ARFGAP1: variants seen among roughly 807,000 people sequenced by gnomAD.
ARFGAP1 encodes the protein ADP-ribosylation factor GTPase-activating protein 1.
Under a neutral mutation model 54.0 loss-of-function variants are expected in ARFGAP1, and 26 were observed. That is an observed-to-expected ratio of 0.48 (90% CI 0.35 to 0.67). The LOEUF (loss-of-function observed/expected upper bound fraction) is 0.67. ARFGAP1 is among the 30% of genes least tolerant of loss of function. ARFGAP1 has a pLI of 0.00. For missense variants in ARFGAP1, 525 were observed against 535.8 expected (o/e 0.98, Z 0.20); for synonymous variants, 248 against 211.9 (o/e 1.17, Z -1.48).
In ARFGAP1 at chr20:63,287,599, T is replaced by C. The variant is rs2123328402; in HGVS notation, c.947T>C (p.Leu316Pro). 1.2e-6 allele frequency: 2 copies of C among 1,609,644 alleles called. No homozygotes were observed. The highest frequency in any genetic ancestry group is 1.7e-6 in the Non-Finnish European group (2 of 1,177,586). Residue 316 changes from leucine to proline, a missense_variant, in exon 13 of 13, where the codon CTG becomes CCG. Physicochemically the swap from Leu to Pro is moderately conservative, Grantham distance 98. Transcript: ENST00000370283. ...GGCCACAGTTATCAGAACAGCGGTCTGGACCACTTCCAAAACAGCAACATA... is the reference window on the plus strand; with the variant it reads ...GGCCACAGTTATCAGAACAGCGGTCCGGACCACTTCCAAAACAGCAACATA... ...SEGHSYQNSG[L>P]DHFQNSNIDQ...
chr20:63,285,745 C>T (rs2067518305), intron 11 of ARFGAP1, 32 bp downstream of exon 11: 7 of 1,606,516 alleles, frequency 4.4e-6, no homozygotes, highest in South Asian at 2.2e-5. Flanking sequence ...CGGGCACAGT[C>T]GAAGCCAGTC....
Position 63,275,655 on chromosome 20 carries a change from C to T in ARFGAP1, c.60+15C>T. ...ATGAGAACAACGTAAGCCTCTGCCC[C>T]CCACCCCCCGCCCTAAGGCTTGGTC... On this transcript the variant is annotated intron_variant, in intron 2 of 12. Coordinates refer to ENST00000370283, the MANE Select transcript of ARFGAP1 (RefSeq NM_018209.4). 6.2e-7 allele frequency: 1 copy of T among 1,612,406 alleles called. No individual in the cohort carries two copies. The highest frequency in any genetic ancestry group is 8.5e-7 in the Non-Finnish European group (1 of 1,178,934).
At chr20:63,286,278 G>A (rs1399097769) in intron 11 of ARFGAP1, 88 bp from the exon 12 acceptor site, 7 of 1,588,468 alleles carry the variant, frequency 4.4e-6, no homozygotes, top group African/African-American at 2.7e-5. Flanking sequence ...TCAGCGGGAC[G>A]GCGCGTGCCG....
chr20:63,285,454 C>T (rs968441968), intron 10 of ARFGAP1, 200 bp from the exon 11 acceptor site: 23 of 625,264 alleles, frequency 3.7e-5, no homozygotes, highest in East Asian at 8.2e-5. Context: ...CGTTTGCAGA[C>T]ACCAGGCCTC....
At position 63,288,191 on chromosome 20, in the gene ARFGAP1, G is replaced by A. The variant is rs894361834; in HGVS notation, c.*318G>A. The A allele has an allele frequency of 3.3e-5, 19 of 570,188 alleles. No homozygotes were observed. The highest frequency in any genetic ancestry group is 7.7e-4 in the Middle Eastern group (2 of 2,582). 35.3% of individuals were successfully genotyped at this position (570,188 alleles called of 1,614,324 possible). A position where few individuals can be genotyped will look rare whatever the true frequency, so the allele number is the denominator to read the frequency against. On this transcript the variant is annotated 3_prime_UTR_variant, in exon 13 of 13. Transcript: ENST00000370283. ...CTGCAGCACAGAGGCCTGTGACTGC[G>A]TTCCAGCGGCCAGTTCACTACGCAG...
chr20:63,288,813 G>A lies in ARFGAP1; in HGVS notation c.*940G>A, dbSNP rs1022790915. ...CGAGGACTGGATGATGTGCTGCCAC[G>A]TGTGACTCGTCTCCCTTGTCTGCCC... is the stretch of plus-strand genomic sequence containing the variant. On this transcript the variant is annotated 3_prime_UTR_variant, in exon 13 of 13. Transcript: ENST00000370283. 3.6e-5 allele frequency: 12 copies of A among 330,978 alleles called. No individual in the cohort carries two copies. The highest frequency in any genetic ancestry group is 7.9e-5 in the Admixed American group (2 of 25,476). The allele number at this position is 330,978 out of a possible 1,614,324, so 20.5% of individuals were successfully genotyped here.
intron 11 of ARFGAP1, chr20:63,285,987 G>A (rs2067525857): frequency 2.0e-6 from 3 of 1,525,718 alleles, no homozygotes; most frequent in Non-Finnish European, 2.6e-6. Flanking sequence ...AAGTGCCAGC[G>A]CCGTCTTTGC....
chr20:63,279,039 G>A (rs145153812), intron 7 of ARFGAP1, 44 bp downstream of exon 7: 20 of 1,595,042 alleles, frequency 1.3e-5, no homozygotes, highest in African/African-American at 5.4e-5. Flanking sequence ...GGCAGACCCC[G>A]CCCTGAGGGC....
At chr20:63,277,095 C>T (rs1385027395) in intron 4 of ARFGAP1, 110 bp from the exon 5 acceptor site, 12 of 864,062 alleles carry the variant, frequency 1.4e-5, no homozygotes, top group African/African-American at 1.0e-4. Context: ...GAGGAGGCTG[C>T]GGGTGGTGGG....
Position 63,288,413 on chromosome 20 carries a change from C to T in ARFGAP1, c.*540C>T, listed in dbSNP as rs1203068942. ...CGACCACCCTCGGCTCCCGAGTCCA[C>T]GCCTGCCTGGGCCTGTGCTGTCAGA... is the stretch of plus-strand genomic sequence containing the variant. On this transcript the variant is annotated 3_prime_UTR_variant, in exon 13 of 13. Transcript: ENST00000370283. 1 of 456,214 alleles carries T rather than the reference C, an allele frequency of 2.2e-6. No individual in the cohort carries two copies. Among genetic ancestry groups the T allele is most frequent in the Non-Finnish European group, 4.4e-6 (1 of 226,876 alleles). 28.3% of individuals were successfully genotyped at this position (456,214 alleles called of 1,614,324 possible). A position where few individuals can be genotyped will look rare whatever the true frequency, so the allele number is the denominator to read the frequency against.
intron 8 of ARFGAP1, among the ~76,000 whole-genome samples, chr20:63,281,565 C>T (rs2067381120): frequency 6.6e-6 from 1 of 152,120 alleles, no homozygotes; most frequent in South Asian, 2.1e-4. Flanking sequence ...AGGAGCTGCT[C>T]CTGTGTCAGA....
chr20:63,280,184 G>A (rs145261332), intron 7 of ARFGAP1, among the ~76,000 whole-genome samples: 1 of 152,240 alleles, frequency 6.6e-6, no homozygotes, highest in Non-Finnish European at 1.5e-5. Flanking sequence ...ATTGTTGTCC[G>A]TGACACCAGC....
chr20:63,282,894 A>T, intron 9 of ARFGAP1, 43 bp downstream of exon 9: 1 of 1,611,124 alleles, frequency 6.2e-7, no homozygotes. Context: ...ATCTGAAACT[A>T]TCCTGAGTCT....
intron 8 of ARFGAP1, among the ~76,000 whole-genome samples, chr20:63,282,248 C>G (rs367622673): frequency 1.3e-5 from 2 of 152,256 alleles, no homozygotes; most frequent in Non-Finnish European, 2.9e-5. Flanking sequence ...CGAGCGTCAG[C>G]TTCTGGTTCC....
rs1385445003 is a variant in ARFGAP1, at chr20:63,276,144, C to G, written c.114C>G (p.Gly38=). 6.2e-7 allele frequency: 1 copy of G among 1,613,964 alleles called. No individual in the cohort carries two copies. Among genetic ancestry groups the G allele is most frequent in the African/African-American group, 1.3e-5 (1 of 74,934 alleles). Residue 38 remains glycine, a synonymous_variant, in exon 3 of 13, where the codon GGC becomes GGG. Coordinates refer to ENST00000370283, the MANE Select transcript of ARFGAP1 (RefSeq NM_018209.4). The surrounding 1 kb of genome is among the most constrained non-coding windows in gnomAD (Gnocchi z 5.2). ...FNPQWVSVTY[G]IWICLECSGR... is the part of the protein sequence containing the mutation. ...CTCAGTGGGTCAGTGTGACCTACGGCATCTGGATCTGCCTGGAGTGCTCGG... is the reference window on the plus strand; with the variant it reads ...CTCAGTGGGTCAGTGTGACCTACGGGATCTGGATCTGCCTGGAGTGCTCGG...
At chr20:63,283,276 C>T (rs1768318607) in intron 9 of ARFGAP1, 12 of 232,898 alleles carry the variant, frequency 5.2e-5, no homozygotes, top group Non-Finnish European at 8.4e-5. Context: ...CTGGCCAGGG[C>T]TTCCCCCAGT....
chr20:63,275,442 G>T (rs2067211239), intron 1 of ARFGAP1, 135 bp from the exon 2 acceptor site: 3 of 798,568 alleles, frequency 3.8e-6, no homozygotes, highest in Non-Finnish European at 6.2e-6. Flanking sequence ...GTGGTCCTGT[G>T]ACCGGGGCTT....
intron 8 of ARFGAP1, among the ~76,000 whole-genome samples, chr20:63,281,705 C>A (rs897097547): frequency 6.6e-6 from 1 of 152,202 alleles, no homozygotes; most frequent in Non-Finnish European, 1.5e-5. Context: ...TCTTCTGGGG[C>A]TCAAGTCGTG....
At chr20:63,272,993 G>C (rs1385354008) in intron 1 of ARFGAP1, 73 bp downstream of exon 1, 2 of 151,558 alleles carry the variant, frequency 1.3e-5, no homozygotes, top group African/African-American at 4.9e-5. Flanking sequence ...CGGCCTTCGC[G>C]GGCGGACCTC....
Sources: allele counts gnomAD v4.1 joint callset (sites outside exome capture counted in the v4.1 genomes callset), GRCh38; gene constraint gnomAD v4.1.1; non-coding constraint Gnocchi (gnomAD v3.1); transcripts MANE v1.5; gene names NCBI Gene and HGNC (gene_info 2026-07-23, HGNC 2026-07-21).